Variants in RPTOR observed in about 807,000 individuals in gnomAD.
RPTOR encodes regulatory associated protein of MTOR complex 1.
RPTOR carries 21 observed loss-of-function variants against 169.9 expected under a neutral mutation model. The observed-to-expected ratio is 0.12, with a 90% CI of 0.09 to 0.18. RPTOR has a LOEUF of 0.18. Ranked by LOEUF, RPTOR falls within the 10% of genes least tolerant of loss-of-function variation. The pLI is 1.00. For missense variants in RPTOR, 1,133 were observed against 1,855.9 expected (o/e 0.61, Z 7.16); for synonymous variants, 732 against 753.2 (o/e 0.97, Z 0.46).
intron 24 of RPTOR, among the ~76,000 whole-genome samples, chr17:80,930,431 TCATCCCCAGC>T (rs2068879515): frequency 4.8e-5 from 1 of 20,992 alleles, no homozygotes; most frequent in African/African-American, 2.3e-4. Context: ...CAGCTCATCC[TCATCCCCAGC>T]TCATCCTCAG....
At chr17:80,733,741 G>A (rs144717187) in intron 5 of RPTOR, among the ~76,000 whole-genome samples, 105 of 152,370 alleles carry the variant, frequency 6.9e-4, no homozygotes, top group African/African-American at 2.2e-3. Context: ...GTATTCAGTA[G>A]TGAATTCTAA....
chr17:80,956,614 T>C lies in RPTOR; in HGVS notation c.3371-1010T>C, dbSNP rs1411246798. On this transcript the variant is annotated intron_variant, in intron 28 of 33. Transcript: ENST00000306801. The stretch of plus-strand genomic sequence containing the variant: ...TCAAGCCTTAACAGCCTTCCTAAAG[T>C]CACCCAGACCTGCCAGTTCTGCCCA... 2.0e-5 allele frequency among the ~76,000 whole-genome samples: 3 copies of C among 152,234 alleles called. No homozygotes were observed. In the East Asian group the frequency reaches 5.8e-4, roughly 29 times the overall value.
In RPTOR at chr17:80,878,765, C is replaced by G. The variant is rs150171005; in HGVS notation, c.1510-1650C>G. On this transcript the variant is annotated intron_variant, in intron 13 of 33. Transcript: ENST00000306801. This position sits in a 1 kb window ranked among gnomAD's most constrained non-coding sequence, Gnocchi z 4.1. ...TCCTCGGGTTTTGGGCAAATACTTC[C>G]CGAAGTATTATCGTTACCCCTGAAT... Among the ~76,000 whole-genome samples the G allele has an allele frequency of 2.0e-3, 298 of 152,288 alleles. 4 individuals are homozygous for G. Among genetic ancestry groups the G allele is most frequent in the African/African-American group, 6.8e-3 (282 of 41,556 alleles).
intron 2 of RPTOR, among the ~76,000 whole-genome samples, chr17:80,642,578 A>G (rs553386064): frequency 2.6e-5 from 4 of 152,234 alleles, no homozygotes; most frequent in Admixed American, 2.0e-4. Flanking sequence ...ATGATGATAC[A>G]AAATAATCTA....
intron 4 of RPTOR, among the ~76,000 whole-genome samples, chr17:80,718,673 G>A (rs1301729055): frequency 5.3e-5 from 8 of 152,174 alleles, no homozygotes; most frequent in Non-Finnish European, 1.2e-4. Flanking sequence ...TGATCTCAGA[G>A]GAAGTAGATG....
At chr17:80,950,453 C>A (rs559182383) in intron 28 of RPTOR, among the ~76,000 whole-genome samples, 1 of 151,958 alleles carries the variant, frequency 6.6e-6, no homozygotes, top group Non-Finnish European at 1.5e-5. Context: ...TCACGTGCCT[C>A]GGGACGTCAT....
chr17:80,893,687 C>T lies in RPTOR; in HGVS notation c.2243-20C>T, dbSNP rs754518837. The T allele has an allele frequency of 1.1e-5, 17 of 1,605,212 alleles. No homozygotes were observed. In the East Asian group the frequency reaches 3.4e-4, roughly 32 times the overall value. On this transcript the variant is annotated intron_variant, in intron 19 of 33. Transcript: ENST00000306801. Reference sequence around the variant, plus strand: ...GAGGGTCCCGGGAGCACCCCACTGACCCCGTTGCGTCTCGGGCAGCTGGTG... The same window carrying T: ...GAGGGTCCCGGGAGCACCCCACTGATCCCGTTGCGTCTCGGGCAGCTGGTG...
chr17:80,950,802 CTG>C (rs2069166617), intron 28 of RPTOR, among the ~76,000 whole-genome samples: 2 of 152,240 alleles, frequency 1.3e-5, no homozygotes, highest in Non-Finnish European at 2.9e-5. Context: ...TTTGGTGACA[CTG>C]TGTCATTTGC....
intron 20 of RPTOR, among the ~76,000 whole-genome samples, chr17:80,897,360 G>A (rs2068419882): frequency 6.6e-6 from 1 of 152,068 alleles, no homozygotes; most frequent in Non-Finnish European, 1.5e-5. Flanking sequence ...TTTTGAGTGG[G>A]TGCTCTATAT....
At position 80,746,212 on chromosome 17, in the gene RPTOR, CGGTGCTTTCTGCGGGTG is replaced by C; in HGVS notation, c.655-7797_655-7781del. ...CAGGTGATCCCCACCGCCCCCACAG[CGGTGCTTTCTGCGGGTG>C]ATCCCCACCGCCCCCACAGCGGTGC... On this transcript the variant is annotated intron_variant, in intron 5 of 33. Coordinates refer to ENST00000306801, the MANE Select transcript of RPTOR (RefSeq NM_020761.3). The surrounding 1 kb of genome is among the most constrained non-coding windows in gnomAD (Gnocchi z 4.5). 6.9e-6 allele frequency among the ~76,000 whole-genome samples: 1 copy of C among 144,764 alleles called. No individual in the cohort carries two copies. Among genetic ancestry groups the C allele is most frequent in the Admixed American group, 6.9e-5 (1 of 14,570 alleles). The allele number at this position is 144,764 out of a possible 152,430, so 95.0% of individuals were successfully genotyped here.
intron 4 of RPTOR, among the ~76,000 whole-genome samples, chr17:80,729,211 C>T (rs775752726): frequency 6.4e-4 from 98 of 152,352 alleles, no homozygotes; most frequent in Admixed American, 2.0e-3. Context: ...CTGTCCCTTT[C>T]CTCTTGAGTT....
intron 5 of RPTOR, among the ~76,000 whole-genome samples, chr17:80,737,826 A>G (rs572344510): frequency 1.5e-5 from 2 of 132,914 alleles, no homozygotes; most frequent in African/African-American, 6.9e-5. Context: ...CGCCACACTC[A>G]CTCCACCACC....
At chr17:80,778,315 G>A (rs986071631) in intron 6 of RPTOR, among the ~76,000 whole-genome samples, 1 of 152,118 alleles carries the variant, frequency 6.6e-6, no homozygotes, top group Non-Finnish European at 1.5e-5. Context: ...CTAATCCTAT[G>A]TTCTTCCTTA....
intron 6 of RPTOR, among the ~76,000 whole-genome samples, chr17:80,788,818 G>A (rs1244317695): frequency 6.6e-6 from 1 of 152,172 alleles, no homozygotes; most frequent in African/African-American, 2.4e-5. Context: ...ATTCAGCTTT[G>A]TGGGTTTTTT....
intron 28 of RPTOR, among the ~76,000 whole-genome samples, chr17:80,950,562 C>A (rs1358947433): frequency 2.6e-5 from 4 of 152,122 alleles, no homozygotes; most frequent in Non-Finnish European, 5.9e-5. Context: ...ATCATCCACA[C>A]CCCGCACTCC....
At chr17:80,888,651 C>T (rs1208156173) in intron 17 of RPTOR, among the ~76,000 whole-genome samples, 1 of 152,214 alleles carries the variant, frequency 6.6e-6, no homozygotes, top group African/African-American at 2.4e-5. Flanking sequence ...AGTCCTGGCA[C>T]CAGTTCACGG....
chr17:80,927,154 G>T (rs539744535), intron 24 of RPTOR, among the ~76,000 whole-genome samples: 2 of 152,374 alleles, frequency 1.3e-5, no homozygotes, highest in South Asian at 4.1e-4. Flanking sequence ...AGCCAGAGCT[G>T]GGAGGTGGCT....
At chr17:80,838,261 C>T (rs1208308802) in intron 10 of RPTOR, among the ~76,000 whole-genome samples, 2 of 152,236 alleles carry the variant, frequency 1.3e-5, no homozygotes, top group Non-Finnish European at 2.9e-5. Context: ...AATGCGGACT[C>T]ACTCCCTGTG....
intron 6 of RPTOR, among the ~76,000 whole-genome samples, chr17:80,756,014 TAAAGG>T (rs1318561730): frequency 6.6e-6 from 1 of 152,144 alleles, no homozygotes; most frequent in African/African-American, 2.4e-5. Flanking sequence ...ATCAAAGAAA[TAAAGG>T]AAGACACCTG....
Sources: gnomAD v4.1 joint callset for allele counts (sites outside exome capture counted in the v4.1 genomes callset) on GRCh38, gnomAD v4.1.1 for gene constraint, Gnocchi (gnomAD v3.1) non-coding constraint, MANE v1.5 for transcripts, NCBI Gene and HGNC (gene_info 2026-07-23, HGNC 2026-07-21) for gene names.